The following SIM1 variants were observed in gnomAD, a reference collection of about 807,000 sequenced individuals.
The protein encoded by SIM1 is single-minded homolog 1.
Under a neutral mutation model 78.2 loss-of-function variants are expected in SIM1, and 18 were observed. The ratio of observed to expected loss-of-function variants is 0.23; its 90% confidence interval spans 0.16 to 0.34. SIM1 has a LOEUF of 0.34. SIM1 is among the 10% of genes least tolerant of loss of function. SIM1 has a pLI of 1.00. For missense variants in SIM1, 939 were observed against 975.1 expected (o/e 0.96, Z 0.49); for synonymous variants, 417 against 385.2 (o/e 1.08, Z -0.97).
At chr6:100,422,941 T>C (rs1392741370) in intron 9 of SIM1, among the ~76,000 whole-genome samples, 2 of 152,186 alleles carry the variant, frequency 1.3e-5, no homozygotes, top group South Asian at 4.1e-4. Context: ...CAATGATGTA[T>C]ATCAGCAAAT....
rs1021162735 is a variant in SIM1 at position 100,387,461 on chromosome 6, T to C, written c.*2900A>G. 1 of 152,094 alleles carries C rather than the reference T, an allele frequency of 6.6e-6. No homozygotes were observed. The highest frequency in any genetic ancestry group is 2.4e-5 in the African/African-American group (1 of 41,448). 9.4% of individuals were successfully genotyped at this position (152,094 alleles called of 1,614,324 possible). ...CATTTTAACACATTCACATGTATAT[T>C]AAGAAAGTACATTGTCATCAAATGT... On this transcript the variant is annotated 3_prime_UTR_variant, in exon 12 of 12. Coordinates refer to ENST00000369208, the MANE Select transcript of SIM1 (RefSeq NM_005068.3).
intron 10 of SIM1, among the ~76,000 whole-genome samples, chr6:100,409,701 G>A (rs541845186): frequency 3.0e-4 from 45 of 152,026 alleles, no homozygotes; most frequent in Non-Finnish European, 6.0e-4. Context: ...TGCTTTTGCT[G>A]CAACCCAGAC....
intron 10 of SIM1, among the ~76,000 whole-genome samples, chr6:100,399,209 C>T (rs907124850): frequency 5.3e-5 from 8 of 151,948 alleles, no homozygotes; most frequent in Non-Finnish European, 1.2e-4. Context: ...CTCAGATTTC[C>T]TTCAAAAGAT....
intron 9 of SIM1, among the ~76,000 whole-genome samples, chr6:100,444,471 G>C (rs1023376668): frequency 1.3e-5 from 2 of 152,006 alleles, no homozygotes; most frequent in Non-Finnish European, 2.9e-5. Context: ...TTTTGTTTTG[G>C]AGCAAGGGTT....
rs191875074 is a variant in SIM1, at chr6:100,407,607, C to T, written c.1167+13183G>A. ...CCTTTTCTGCACATCTTTGTCAACACTTACCTCTTGTCTTTTTAAATAATA... is the reference window on the plus strand; with the variant it reads ...CCTTTTCTGCACATCTTTGTCAACATTTACCTCTTGTCTTTTTAAATAATA... On this transcript the variant is annotated intron_variant, in intron 10 of 11. Transcript: ENST00000369208. Among the ~76,000 whole-genome samples the T allele has an allele frequency of 1.3e-3, 201 of 152,178 alleles. 1 individual carries two copies. The highest frequency in any genetic ancestry group is 4.5e-3 in the African/African-American group (186 of 41,554).
intron 9 of SIM1, among the ~76,000 whole-genome samples, chr6:100,439,663 A>G (rs1772154735): frequency 6.6e-6 from 1 of 152,192 alleles, no homozygotes; most frequent in Non-Finnish European, 1.5e-5. Context: ...AGAAATGTCA[A>G]TGTTTGGTGT....
chr6:100,412,555 A>AAAGAAAAG (rs1281547759), intron 10 of SIM1, among the ~76,000 whole-genome samples: 2 of 64,440 alleles, frequency 3.1e-5, no homozygotes, highest in Non-Finnish European at 5.7e-5. Context: ...AGAAAGAAAG[A>AAAGAAAAG]AAAGAAAGAA....
At chr6:100,434,587 G>T (rs1434291534) in intron 9 of SIM1, among the ~76,000 whole-genome samples, 2 of 152,210 alleles carry the variant, frequency 1.3e-5, no homozygotes, top group Non-Finnish European at 2.9e-5. Flanking sequence ...CCGCAAACCT[G>T]TAAGAATGCT....
intron 3 of SIM1, among the ~76,000 whole-genome samples, chr6:100,450,937 G>GT (rs1772499418): frequency 6.6e-6 from 1 of 152,152 alleles, no homozygotes; most frequent in Non-Finnish European, 1.5e-5. Flanking sequence ...TTTACAAGGA[G>GT]TAAGTCCACA....
chr6:100,420,801 G>T lies in SIM1; in HGVS notation c.1156C>A (p.Pro386Thr), dbSNP rs1771557073. Residue 386 changes from proline to threonine, a missense_variant, in exon 10 of 12, where the codon CCA (proline) becomes ACA (threonine). Physicochemically the swap from Pro to Thr is conservative, Grantham distance 38. This residue lies in a region of SIM1 where 556 missense variants were observed against 521.9 expected (regional missense o/e 1.07). Transcript: ENST00000369208. Reference sequence around the variant, plus strand: ...AGCAATGCACTTACCTGAGGGTATGGGGAAGTCCTGGATTTTGACTTTGAG... The same window carrying T: ...AGCAATGCACTTACCTGAGGGTATGTGGAAGTCCTGGATTTTGACTTTGAG... ...SSSKSKSRTS[P>T]YPQYSGFHTE... 1 of 1,613,962 alleles carries T rather than the reference G, an allele frequency of 6.2e-7. No individual in the cohort carries two copies. Among genetic ancestry groups the T allele is most frequent in the Non-Finnish European group, 8.5e-7 (1 of 1,179,994 alleles).
At chr6:100,412,886 C>A (rs761835536) in intron 10 of SIM1, among the ~76,000 whole-genome samples, 10 of 152,228 alleles carry the variant, frequency 6.6e-5, no homozygotes, top group Admixed American at 2.0e-4. Flanking sequence ...CCAAGCTACA[C>A]CAGGAGTTTA....
chr6:100,400,501 T>C (rs1185026581), intron 10 of SIM1, among the ~76,000 whole-genome samples: 2 of 151,738 alleles, frequency 1.3e-5, no homozygotes, highest in Non-Finnish European at 2.9e-5. Context: ...TTGGGGAAAA[T>C]AGGCAAACAC....
chr6:100,411,030 C>A lies in SIM1; in HGVS notation c.1167+9760G>T, dbSNP rs1227144734. 3.9e-5 allele frequency among the ~76,000 whole-genome samples: 6 copies of A among 152,004 alleles called. No individual in the cohort carries two copies. In the East Asian group the frequency reaches 1.2e-3, roughly 29 times the overall value. ...GTGGAGAAAATCTATCTTTCATAAG[C>A]ATAACACTATTAAAGATGTAGAACA... On this transcript the variant is annotated intron_variant, in intron 10 of 11. Coordinates refer to ENST00000369208, the MANE Select transcript of SIM1 (RefSeq NM_005068.3).
chr6:100,445,315 T>G (rs1389958491), intron 9 of SIM1, among the ~76,000 whole-genome samples: 2 of 152,214 alleles, frequency 1.3e-5, no homozygotes, highest in Non-Finnish European at 2.9e-5. Context: ...AAAAGGGTAA[T>G]CAATTTCAGC....
chr6:100,448,100 C>T (rs1213187736), intron 8 of SIM1, 46 bp downstream of exon 8: 26 of 1,483,964 alleles, frequency 1.8e-5, no homozygotes, highest in Non-Finnish European at 2.4e-5. Flanking sequence ...CCCTAACCAG[C>T]GGATGCGCCA....
chr6:100,456,697 T>C (rs1238826007), intron 2 of SIM1, among the ~76,000 whole-genome samples: 1 of 152,218 alleles, frequency 6.6e-6, no homozygotes, highest in East Asian at 1.9e-4. Flanking sequence ...TCCCTTAAAG[T>C]CTGCTTTATC....
intron 9 of SIM1, among the ~76,000 whole-genome samples, chr6:100,445,632 T>G (rs930964473): frequency 6.6e-6 from 1 of 152,214 alleles, no homozygotes; most frequent in Admixed American, 6.5e-5. Flanking sequence ...TTGGGAGGTC[T>G]AACTTGCATT....
chr6:100,417,404 A>G (rs1771432461), intron 10 of SIM1, among the ~76,000 whole-genome samples: 2 of 151,962 alleles, frequency 1.3e-5, no homozygotes, highest in African/African-American at 4.8e-5. Context: ...TTTTAATCCA[A>G]CCCCTAACTC....
chr6:100,398,083 C>A (rs1274998108), intron 10 of SIM1, among the ~76,000 whole-genome samples: 1 of 152,040 alleles, frequency 6.6e-6, no homozygotes, highest in East Asian at 1.9e-4. Flanking sequence ...AAATGGTGTA[C>A]CTAGTCTAGA....
Sources: gnomAD v4.1 joint callset for allele counts (sites outside exome capture counted in the v4.1 genomes callset) on GRCh38, gnomAD v4.1.1 for gene constraint, gnomAD v4.1.1 regional missense constraint, MANE v1.5 for transcripts, NCBI Gene and HGNC (gene_info 2026-07-23, HGNC 2026-07-21) for gene names.